Variants in SGCG observed in about 807,000 individuals in gnomAD.
The protein encoded by SGCG is sarcoglycan gamma.
In SGCG, 26 loss-of-function variants were observed where a neutral mutation model predicts 29.3. The observed-to-expected ratio is 0.89, with a 90% CI of 0.65 to 1.23. The LOEUF (loss-of-function observed/expected upper bound fraction) is 1.23. SGCG is among the 50% of genes most tolerant of loss of function. The pLI is 0.00. For missense variants in SGCG, 353 were observed against 356.0 expected, an observed-to-expected ratio of 0.99 and a Z score of 0.07; for synonymous variants, 145 against 129.7, an observed-to-expected ratio of 1.12 and a Z score of -0.80.
Position 23,324,353 on chromosome 13 carries a change from T to C in SGCG, c.703-15T>C. The stretch of plus-strand genomic sequence containing the variant: ...CCCTTCCTTAACTCTTCGTCTCTCA[T>C]CTTCTCCCAACCAGCTTGTGCTTGA... On this transcript the variant is annotated splice_polypyrimidine_tract_variant and intron_variant, in intron 7 of 7. Coordinates refer to ENST00000218867, the MANE Select transcript of SGCG (RefSeq NM_000231.3). 6.2e-7 allele frequency: 1 copy of C among 1,614,084 alleles called. No homozygotes were observed. Among genetic ancestry groups the C allele is most frequent in the African/African-American group, 1.3e-5 (1 of 75,060 alleles).
chr13:23,247,109 C>A, intron 3 of SGCG: 1 of 164,476 alleles, frequency 6.1e-6, no homozygotes, highest in South Asian at 1.6e-4. Context: ...GAGAGATTGC[C>A]AGAATCAAAG....
At chr13:23,273,822 G>C (rs949450331) in intron 4 of SGCG, among the ~76,000 whole-genome samples, 3 of 152,104 alleles carry the variant, frequency 2.0e-5, no homozygotes, top group Non-Finnish European at 4.4e-5. Context: ...AATGTGCCCC[G>C]GGCACTTGAG....
chr13:23,225,991 A>C (rs1319528102), intron 2 of SGCG, among the ~76,000 whole-genome samples: 2 of 151,870 alleles, frequency 1.3e-5, no homozygotes, highest in African/African-American at 4.8e-5. Context: ...TCATTTACTT[A>C]TTCAGTCAAT....
chr13:23,298,891 T>C (rs1286448085), intron 6 of SGCG, among the ~76,000 whole-genome samples: 1 of 152,090 alleles, frequency 6.6e-6, no homozygotes, highest in African/African-American at 2.4e-5. Flanking sequence ...TGAGGAAGGA[T>C]TGAGCAACTT....
At chr13:23,258,221 G>T (rs370573868) in intron 4 of SGCG, among the ~76,000 whole-genome samples, 1 of 151,826 alleles carries the variant, frequency 6.6e-6, no homozygotes, top group Non-Finnish European at 1.5e-5. Context: ...CTTTTATTTC[G>T]TTGAGCAGTG....
chr13:23,313,169 C>CTT (rs11352200), intron 6 of SGCG, among the ~76,000 whole-genome samples: 176 of 145,988 alleles, frequency 1.2e-3, no homozygotes, highest in East Asian at 2.8e-3. Flanking sequence ...TCTTCTTCTT[C>CTT]TTTTTTTTTT....
chr13:23,208,965 T>C (rs1324478926), intron 2 of SGCG, among the ~76,000 whole-genome samples: 1 of 152,164 alleles, frequency 6.6e-6, no homozygotes, highest in Admixed American at 6.5e-5. Flanking sequence ...AGAAGACCTT[T>C]AGAGTTATCA....
At chr13:23,240,039 C>A (rs1413542545) in intron 3 of SGCG, among the ~76,000 whole-genome samples, 1 of 152,056 alleles carries the variant, frequency 6.6e-6, no homozygotes, top group African/African-American at 2.4e-5. Context: ...AACACAGAAG[C>A]AAGGTCCAAC....
the SGCG span, among the ~76,000 whole-genome samples, chr13:23,174,528 A>G: frequency 6.6e-6 from 1 of 152,222 alleles, no homozygotes; most frequent in African/African-American, 2.4e-5. Flanking sequence ...CATATAGTAG[A>G]TTAAAAATAA....
intron 7 of SGCG, among the ~76,000 whole-genome samples, chr13:23,323,455 A>G (rs1307323271): frequency 2.0e-5 from 3 of 152,214 alleles, no homozygotes; most frequent in African/African-American, 7.2e-5. Context: ...GCCACATAAC[A>G]TAAAGGAAGG....
At chr13:23,295,610 C>T in intron 6 of SGCG, 123 bp downstream of exon 6, 1 of 777,630 alleles carries the variant, frequency 1.3e-6, no homozygotes, top group Non-Finnish European at 2.3e-6. Context: ...CCTTTATTTT[C>T]AAGACTTTCC....
chr13:23,324,417 C>T lies in SGCG; in HGVS notation c.752C>T (p.Thr251Met), dbSNP rs1271199514. The change falls in exon 8 of 8, where the codon ACG becomes ATG. Residue 251 changes from threonine to methionine, a missense_variant. Coordinates refer to ENST00000218867, the MANE Select transcript of SGCG (RefSeq NM_000231.3). ...TVCLPKLVQG[T>M]WGPSGSSQSL... Reference sequence around the variant, plus strand: ...TGCTTACCCAAGCTGGTGCAGGGGACGTGGGGTCCCTCTGGCAGCTCACAG... The same window carrying T: ...TGCTTACCCAAGCTGGTGCAGGGGATGTGGGGTCCCTCTGGCAGCTCACAG... The T allele has an allele frequency of 3.7e-6, 6 of 1,613,980 alleles. No homozygotes were observed. The highest frequency in any genetic ancestry group is 2.7e-5 in the African/African-American group (2 of 74,916).
At chr13:23,229,599 G>A (rs982359795) in intron 2 of SGCG, among the ~76,000 whole-genome samples, 7 of 152,138 alleles carry the variant, frequency 4.6e-5, no homozygotes, top group African/African-American at 1.7e-4. Context: ...CTTTTGAAAA[G>A]TGTTCATGTC....
At chr13:23,290,701 C>T (rs538512257) in intron 5 of SGCG, among the ~76,000 whole-genome samples, 1 of 152,294 alleles carries the variant, frequency 6.6e-6, no homozygotes, top group South Asian at 2.1e-4. Flanking sequence ...AAGACCGTAT[C>T]AGTCCATAAA....
At chr13:23,305,172 G>A (rs764797094) in intron 6 of SGCG, among the ~76,000 whole-genome samples, 15 of 152,160 alleles carry the variant, frequency 9.9e-5, no homozygotes, top group Admixed American at 2.6e-4. Flanking sequence ...ACAACTTACT[G>A]TGTTGAGTCA....
intron 4 of SGCG, among the ~76,000 whole-genome samples, chr13:23,269,621 T>G (rs1357201759): frequency 4.6e-5 from 7 of 152,200 alleles, no homozygotes; most frequent in African/African-American, 1.7e-4. Context: ...CGGTAGGTAG[T>G]CTTTTGAACT....
rs113027010 is a variant in SGCG at position 23,203,416 on chromosome 13, A to T, written c.1-279A>T. ...GATACAGAGAATTTATTAACATCTG[A>T]ATTTATTAACATTTGAAAATATGGT... is the stretch of plus-strand genomic sequence containing the variant. On this transcript the variant is annotated intron_variant, in intron 1 of 7. Transcript: ENST00000218867. Among the ~76,000 whole-genome samples the T allele has an allele frequency of 3.3e-3, 506 of 152,350 alleles. 2 individuals carry two copies. Among genetic ancestry groups the T allele is most frequent in the African/African-American group, 0.011 (477 of 41,572 alleles).
chr13:23,320,230 T>C (rs1882983336), intron 6 of SGCG, among the ~76,000 whole-genome samples: 1 of 152,210 alleles, frequency 6.6e-6, no homozygotes, highest in Non-Finnish European at 1.5e-5. Context: ...GATTTTGCAG[T>C]GTGCCACGAT....
At chr13:23,308,660 G>A (rs1432183743) in intron 6 of SGCG, among the ~76,000 whole-genome samples, 1 of 152,090 alleles carries the variant, frequency 6.6e-6, no homozygotes, top group Non-Finnish European at 1.5e-5. Context: ...CACCTCCTGG[G>A]TTTAAGTGAT....
Sources: gnomAD v4.1 joint callset for allele counts (sites outside exome capture counted in the v4.1 genomes callset) on GRCh38, gnomAD v4.1.1 for gene constraint, MANE v1.5 for transcripts, NCBI Gene and HGNC (gene_info 2026-07-23, HGNC 2026-07-21) for gene names.